The following NDUFA11 variants were observed in gnomAD, a reference collection of about 807,000 sequenced individuals.
NDUFA11 encodes NADH:ubiquinone oxidoreductase subunit A11.
In NDUFA11, 14 loss-of-function variants were observed where a neutral mutation model predicts 11.3. The observed-to-expected ratio is 1.24, with a 90% CI of 0.82 to 1.94. The LOEUF (loss-of-function observed/expected upper bound fraction) is 1.94, where lower values mean the gene tolerates loss of function less well. Ranked by LOEUF, NDUFA11 falls within the 30% of genes most tolerant of loss-of-function variation. The pLI, the probability that NDUFA11 is intolerant of heterozygous loss-of-function variation, is 0.00. For missense variants in NDUFA11, 204 were observed against 200.3 expected (o/e 1.02, Z -0.11); for synonymous variants, 87 against 85.6 (o/e 1.02, Z -0.09).
At chr19:5,892,914 G>T (rs553972821), downstream of NDUFA11, 1 of 1,438,744 alleles carries the variant, frequency 7.0e-7, no homozygotes, top group South Asian at 1.5e-5. Context: ...AACAAGGAAA[G>T]AATCAAGTTC....
Position 5,896,711 on chromosome 19 carries a change from A to C in NDUFA11, c.191-136T>G, listed in dbSNP as rs533891767. 4 of 1,374,650 alleles carry C rather than the reference A, an allele frequency of 2.9e-6. No homozygotes were observed. In the African/African-American group the frequency reaches 5.7e-5, roughly 20 times the overall value. The allele number at this position is 1,374,650 out of a possible 1,614,324, so 85.2% of individuals were successfully genotyped here. A position where few individuals can be genotyped will look rare whatever the true frequency, so the allele number is the denominator to read the frequency against. On this transcript the variant is annotated intron_variant, in intron 2 of 3. Coordinates refer to ENST00000308961, the MANE Select transcript of NDUFA11 (RefSeq NM_175614.5). This position sits in a 1 kb window ranked among gnomAD's most constrained non-coding sequence, Gnocchi z 5.8. Reference sequence around the variant, plus strand: ...CTGTGCATGGCAGCCTCCTGGCCCCAGTCCTGGAGCTGTTCTCCTGGGCCT... The same window carrying C: ...CTGTGCATGGCAGCCTCCTGGCCCCCGTCCTGGAGCTGTTCTCCTGGGCCT...
rs2057606663 is a variant in NDUFA11, at chr19:5,896,170, G to A, written c.313+283C>T. 1 of 596,900 alleles carries A rather than the reference G, an allele frequency of 1.7e-6. No individual in the cohort carries two copies. Among genetic ancestry groups the A allele is most frequent in the Non-Finnish European group, 3.0e-6 (1 of 335,468 alleles). 37.0% of individuals were successfully genotyped at this position (596,900 alleles called of 1,614,324 possible). A position where few individuals can be genotyped will look rare whatever the true frequency, so the allele number is the denominator to read the frequency against. ...GTGCACTGCCCATGCAAAGGCCCTGGGGCAGGACTGTACCTGGCATGTGGG... is the reference window on the plus strand; with the variant it reads ...GTGCACTGCCCATGCAAAGGCCCTGAGGCAGGACTGTACCTGGCATGTGGG... On this transcript the variant is annotated intron_variant, in intron 3 of 3. Coordinates refer to ENST00000308961, the MANE Select transcript of NDUFA11 (RefSeq NM_175614.5). This position sits in a 1 kb window ranked among gnomAD's most constrained non-coding sequence, Gnocchi z 5.8.
intron 1 of NDUFA11, among the ~76,000 whole-genome samples, chr19:5,900,928 G>T (rs1186786558): frequency 6.9e-6 from 1 of 145,838 alleles, no homozygotes; most frequent in African/African-American, 2.6e-5. Flanking sequence ...AAAAAAAAAA[G>T]AAAAAAGAAA....
downstream of NDUFA11, chr19:5,891,881 G>GCCCACCGCAGCCC (rs2057580119): frequency 6.6e-6 from 1 of 152,198 alleles, no homozygotes; most frequent in Non-Finnish European, 1.5e-5. Flanking sequence ...GCTGGGAAGG[G>GCCCACCGCAGCCC]CTCCATGAAG....
intron 1 of NDUFA11, chr19:5,901,428 T>C: frequency 7.8e-7 from 1 of 1,287,112 alleles, no homozygotes; most frequent in Non-Finnish European, 1.0e-6. Context: ...GAGCAGTTAA[T>C]ATGCTTCTCC....
chr19:5,892,715 C>T (rs867228049), downstream of NDUFA11: 19 of 650,008 alleles, frequency 2.9e-5, no homozygotes, highest in Middle Eastern at 1.6e-3. Context: ...CTGTGGTGGG[C>T]GCTGCCCCCT....
intron 1 of NDUFA11, chr19:5,902,443 T>G (rs2057651790): frequency 6.6e-6 from 1 of 152,334 alleles, no homozygotes; most frequent in African/African-American, 2.4e-5. Context: ...GTTTTACTTT[T>G]TTGCAGAGAT....
intron 3 of NDUFA11, 45 bp from the exon 4 acceptor site, chr19:5,894,899 C>A (rs375076176): frequency 3.0e-5 from 47 of 1,542,708 alleles, no homozygotes; most frequent in Non-Finnish European, 2.8e-5. Context: ...GGGGCTCGGC[C>A]GGACCAAGAC....
intron 1 of NDUFA11, among the ~76,000 whole-genome samples, chr19:5,898,007 G>A (rs1164641302): frequency 1.3e-5 from 2 of 152,222 alleles, no homozygotes; most frequent in Non-Finnish European, 2.9e-5. Context: ...GTTGCAGGCA[G>A]GGACCTCCTC....
At chr19:5,903,510 C>T in intron 1 of NDUFA11, 102 bp downstream of exon 1, 2 of 1,141,120 alleles carry the variant, frequency 1.8e-6, no homozygotes, top group Admixed American at 2.2e-5. Flanking sequence ...CACGTGCGTA[C>T]CCGCGAGACT....
chr19:5,903,156 C>T (rs2057656508), intron 1 of NDUFA11, among the ~76,000 whole-genome samples: 1 of 152,062 alleles, frequency 6.6e-6, no homozygotes, highest in Non-Finnish European at 1.5e-5. Context: ...CCTAACCACC[C>T]AGCACCCCCT....
chr19:5,894,098 G>A (rs569685584), downstream of NDUFA11, among the ~76,000 whole-genome samples: 10 of 152,330 alleles, frequency 6.6e-5, no homozygotes, highest in South Asian at 1.2e-3. Context: ...GGAAGGGATC[G>A]CAATTCTTTC....
chr19:5,896,850 A>G lies in NDUFA11; in HGVS notation c.190+55T>C. The G allele has an allele frequency of 3.4e-6, 5 of 1,472,186 alleles. No individual in the cohort carries two copies. Among genetic ancestry groups the G allele is most frequent in the Non-Finnish European group, 4.8e-6 (5 of 1,051,916 alleles). The allele number at this position is 1,472,186 out of a possible 1,614,324, so 91.2% of individuals were successfully genotyped here. ...AGAGGCAGCCGTCAAATGTGCTCTG[A>G]GAGCTGGGGCTGTGCCAGGAGAGGG... On this transcript the variant is annotated intron_variant, in intron 2 of 3. Transcript: ENST00000308961. This position sits in a 1 kb window ranked among gnomAD's most constrained non-coding sequence, Gnocchi z 5.8.
chr19:5,896,993 C>T lies in NDUFA11; in HGVS notation c.102G>A (p.Leu34=), dbSNP rs1309883641. The T allele has an allele frequency of 1.9e-6, 3 of 1,613,936 alleles. No individual in the cohort carries two copies. The Admixed American group carries it at 5.0e-5, about 27-fold the overall frequency. Residue 34 remains leucine, a synonymous_variant, in exon 2 of 4, where the codon CTG becomes CTA. Transcript: ENST00000308961. This position sits in a 1 kb window ranked among gnomAD's most constrained non-coding sequence, Gnocchi z 5.8. ...STTSIASVAG[L]TAAAYRVTLN... is the part of the protein sequence containing the mutation. The stretch of plus-strand genomic sequence containing the variant: ...GTGTGACTCTGTAGGCAGCGGCGGT[C>T]AGGCCTGCGAGACAGAGGAGGGAGG...
In NDUFA11 at chr19:5,903,606, G is replaced by T. The variant is rs1204743829; in HGVS notation, c.97+6C>A. The T allele has an allele frequency of 6.5e-7, 1 of 1,549,652 alleles. No homozygotes were observed. The highest frequency in any genetic ancestry group is 2.4e-5 in the East Asian group (1 of 40,926). On this transcript the variant is annotated splice_donor_region_variant and intron_variant, in intron 1 of 3. Transcript: ENST00000308961. ...CCTCCACCCTCGGGGCCCGGCCGGC[G>T]CTCACCAGCGACGCTGGCAATACTG... is the stretch of plus-strand genomic sequence containing the variant.
downstream of NDUFA11, chr19:5,893,050 C>T (rs2057587425): frequency 1.3e-6 from 2 of 1,535,892 alleles, no homozygotes; most frequent in East Asian, 2.4e-5. The surrounding 1 kb of genome is among the most constrained non-coding windows in gnomAD (Gnocchi z 4.1). Flanking sequence ...GGCCCGGGCA[C>T]CCAGCTCCGG....
At chr19:5,892,704 G>A, downstream of NDUFA11, 1 of 565,722 alleles carries the variant, frequency 1.8e-6, no homozygotes, top group Non-Finnish European at 2.8e-6. Context: ...AGCAGGCCGT[G>A]CTGTGGTGGG....
downstream of NDUFA11, chr19:5,892,933 G>A (rs1051197987): frequency 4.8e-5 from 70 of 1,446,114 alleles, no homozygotes; most frequent in Non-Finnish European, 5.7e-5. Flanking sequence ...TCTGGGGTTC[G>A]AACCCAGAGT....
chr19:5,897,180 G>A (rs992170346), intron 1 of NDUFA11, among the ~76,000 whole-genome samples, 183 bp from the exon 2 acceptor site: 14 of 152,122 alleles, frequency 9.2e-5, no homozygotes, highest in African/African-American at 1.9e-4. Flanking sequence ...TCCAAAACTG[G>A]GGGGCCTCTC....
Sources: gnomAD v4.1 joint callset for allele counts (sites outside exome capture counted in the v4.1 genomes callset) on GRCh38, gnomAD v4.1.1 for gene constraint, Gnocchi (gnomAD v3.1) non-coding constraint, MANE v1.5 for transcripts, NCBI Gene and HGNC (gene_info 2026-07-23, HGNC 2026-07-21) for gene names.